Variants in SV2B observed in about 807,000 individuals in gnomAD.
SV2B encodes the protein synaptic vesicle glycoprotein 2B, also known as solute carrier family 22 member B2.
Under a neutral mutation model 73.9 loss-of-function variants are expected in SV2B, and 41 were observed. The observed-to-expected ratio is 0.56, with a 90% CI of 0.43 to 0.72. SV2B has a LOEUF of 0.72. Among genes scored for constraint, SV2B ranks in the 30% least tolerant of loss-of-function variants. SV2B has a pLI of 0.00. For missense variants in SV2B, 764 were observed against 857.8 expected (o/e 0.89, Z 1.37); for synonymous variants, 314 against 314.2 (o/e 1.00, Z 0.01).
intron 1 of SV2B, among the ~76,000 whole-genome samples, chr15:91,181,603 C>G (rs1031929957): frequency 6.6e-6 from 1 of 151,284 alleles, no homozygotes. Flanking sequence ...CTATTTCTTA[C>G]TATCCTAAAA....
intron 1 of SV2B, among the ~76,000 whole-genome samples, chr15:91,218,890 C>T (rs2046123551): frequency 6.6e-6 from 1 of 152,042 alleles, no homozygotes; most frequent in Non-Finnish European, 1.5e-5. Flanking sequence ...CTAAGGGGAC[C>T]ATCTTTTGTT....
At position 91,197,216 on chromosome 15, in the gene SV2B, T is replaced by TTTTTGTTTTGTTTTG. The variant is rs781598060; in HGVS notation, c.-391-28641_-391-28627dup. 1.2e-4 allele frequency among the ~76,000 whole-genome samples: 18 copies of TTTTTGTTTTGTTTTG among 145,004 alleles called. No individual in the cohort carries two copies. In the East Asian group the frequency reaches 2.5e-3, roughly 20 times the overall value. On this transcript the variant is annotated intron_variant, in intron 1 of 12. Transcript: ENST00000394232. This position sits in a 1 kb window ranked among gnomAD's most constrained non-coding sequence, Gnocchi z 4.9. ...TGTTTTGTTTTTGTGTTTTTTTTGTTTTTTGTTTTGTTTTGTTTTGTTTTG... is the reference window on the plus strand; with the variant it reads ...TGTTTTGTTTTTGTGTTTTTTTTGTTTTTTGTTTTGTTTTGTTTTGTTTTGTTTTGTTTTGTTTTG...
At chr15:91,177,274 A>T (rs1442522533) in intron 1 of SV2B, among the ~76,000 whole-genome samples, 3 of 151,934 alleles carry the variant, frequency 2.0e-5, no homozygotes, top group Non-Finnish European at 2.9e-5. Context: ...TACCAGTACC[A>T]TGCTGTTTTG....
intron 1 of SV2B, among the ~76,000 whole-genome samples, chr15:91,178,734 T>C (rs1257269372): frequency 1.3e-5 from 2 of 150,368 alleles, no homozygotes; most frequent in East Asian, 2.0e-4. Flanking sequence ...GGATCGGTGG[T>C]GATATCCCCT....
At chr15:91,176,472 T>C (rs1417989735) in intron 1 of SV2B, among the ~76,000 whole-genome samples, 1 of 152,094 alleles carries the variant, frequency 6.6e-6, no homozygotes, top group Non-Finnish European at 1.5e-5. Context: ...CCACACTGAC[T>C]TCCACAAGGG....
chr15:91,125,625 A>G lies in SV2B; in HGVS notation c.-392+25262A>G, dbSNP rs117597915. On this transcript the variant is annotated intron_variant, in intron 1 of 12. Transcript: ENST00000394232. ...TGTCACTACCCAAAATACCAAAAAA[A>G]TTAGCCAGTCATGGTGGTGCACGCC... Among the ~76,000 whole-genome samples, 1,388 of 151,690 alleles carry G rather than the reference A, an allele frequency of 9.2e-3. 14 individuals are homozygous for G. Among genetic ancestry groups the G allele is most frequent in the Middle Eastern group, 0.021 (6 of 292 alleles).
Position 91,261,598 on chromosome 15 carries a change from G to T in SV2B, c.1008+1189G>T, listed in dbSNP as rs1318884654. 6.6e-6 allele frequency among the ~76,000 whole-genome samples: 1 copy of T among 152,078 alleles called. No individual in the cohort carries two copies. The highest frequency in any genetic ancestry group is 1.9e-4 in the East Asian group (1 of 5,184). The stretch of plus-strand genomic sequence containing the variant: ...TAGACTCCTAGAAATAAAAGTGCTG[G>T]CTCAGAGAGCTTGGATATTTTTATA... On this transcript the variant is annotated intron_variant, in intron 6 of 12. Coordinates refer to ENST00000394232, the MANE Select transcript of SV2B (RefSeq NM_001323032.3). The surrounding 1 kb of genome is among the most constrained non-coding windows in gnomAD (Gnocchi z 4.7).
rs2042567317 is a variant in SV2B, at chr15:91,128,998, C to G, written c.-392+28635C>G. Among the ~76,000 whole-genome samples, 1 of 152,236 alleles carries G rather than the reference C, an allele frequency of 6.6e-6. No homozygotes were observed. Among genetic ancestry groups the G allele is most frequent in the African/African-American group, 2.4e-5 (1 of 41,454 alleles). ...CACGTCAAATAAAGTTGTATGCCTG[C>G]CTTCCAATTAATCTGCTTTTGTGAG... On this transcript the variant is annotated intron_variant, in intron 1 of 12. Coordinates refer to ENST00000394232, the MANE Select transcript of SV2B (RefSeq NM_001323032.3). This position sits in a 1 kb window ranked among gnomAD's most constrained non-coding sequence, Gnocchi z 4.2.
intron 1 of SV2B, among the ~76,000 whole-genome samples, chr15:91,177,656 T>C (rs1227007043): frequency 1.6e-5 from 2 of 128,598 alleles, no homozygotes; most frequent in African/African-American, 6.9e-5. Flanking sequence ...TTGAAGCAAT[T>C]GTGAATGGGA....
intron 1 of SV2B, among the ~76,000 whole-genome samples, chr15:91,219,639 A>G (rs192449208): frequency 1.4e-3 from 220 of 152,332 alleles, no homozygotes; most frequent in Non-Finnish European, 2.5e-3. Flanking sequence ...TTTATATACC[A>G]TAAAATCCAC....
rs113598041 is a variant in SV2B, at chr15:91,284,562, A to C, written c.1708+341A>C. Among the ~76,000 whole-genome samples the C allele has an allele frequency of 4.6e-5, 7 of 152,142 alleles. No individual in the cohort carries two copies. Among genetic ancestry groups the C allele is most frequent in the African/African-American group, 1.7e-4 (7 of 41,422 alleles). On this transcript the variant is annotated intron_variant, in intron 11 of 12. Coordinates refer to ENST00000394232, the MANE Select transcript of SV2B (RefSeq NM_001323032.3). The surrounding 1 kb of genome is among the most constrained non-coding windows in gnomAD (Gnocchi z 4.5). Reference sequence around the variant, plus strand: ...GATTATTGTCAGAAAAATATATAAAATGCTCCTGGGTGATGGTTTGATGTT... The same window carrying C: ...GATTATTGTCAGAAAAATATATAAACTGCTCCTGGGTGATGGTTTGATGTT...
rs1232606127 is a variant in SV2B, at chr15:91,229,397, T to C, written c.451+2683T>C. Among the ~76,000 whole-genome samples, 1 of 152,214 alleles carries C rather than the reference T, an allele frequency of 6.6e-6. No individual in the cohort carries two copies. The highest frequency in any genetic ancestry group is 1.5e-5 in the Non-Finnish European group (1 of 68,036). On this transcript the variant is annotated intron_variant, in intron 2 of 12. Transcript: ENST00000394232. This position sits in a 1 kb window ranked among gnomAD's most constrained non-coding sequence, Gnocchi z 4.3. ...CAGGTGTAAAGCAACCAGCGCTTGT[T>C]GCCCTCTCAACAATGATTAGTTCTC...
Position 91,278,231 on chromosome 15 carries a change from T to A in SV2B, c.1374-3497T>A, listed in dbSNP as rs548150429. The stretch of plus-strand genomic sequence containing the variant: ...CATGCTAGAGCTGCAAAAAGAGCCA[T>A]CTTCTCAACACCCCTATTTTATAGA... On this transcript the variant is annotated intron_variant, in intron 9 of 12. Transcript: ENST00000394232. 5.7e-4 allele frequency among the ~76,000 whole-genome samples: 87 copies of A among 152,300 alleles called. No homozygotes were observed. The Middle Eastern group carries it at 0.01, about 18-fold the overall frequency.
chr15:91,259,311 C>T (rs1168389611), intron 5 of SV2B, among the ~76,000 whole-genome samples: 2 of 152,052 alleles, frequency 1.3e-5, no homozygotes, highest in Admixed American at 1.3e-4. Context: ...GGGGAACCTC[C>T]TGCTTGCAGA....
rs375094638 is a variant in SV2B, at chr15:91,227,248, C to A, written c.451+534C>A. On this transcript the variant is annotated intron_variant, in intron 2 of 12. Transcript: ENST00000394232. This position sits in a 1 kb window ranked among gnomAD's most constrained non-coding sequence, Gnocchi z 4.5. The stretch of plus-strand genomic sequence containing the variant: ...GGATGAATGGTGGGCTTAAGCACAC[C>A]CGTGGAGTCCCTGCAGGCTGTTGGG... 4.7e-4 allele frequency among the ~76,000 whole-genome samples: 72 copies of A among 152,232 alleles called. No individual in the cohort carries two copies. The highest frequency in any genetic ancestry group is 1.4e-3 in the African/African-American group (58 of 41,524).
chr15:91,189,797 G>C (rs1442589633), intron 1 of SV2B, among the ~76,000 whole-genome samples: 1 of 152,150 alleles, frequency 6.6e-6, no homozygotes, highest in Non-Finnish European at 1.5e-5. Flanking sequence ...GACCGTCCTG[G>C]CTAACACAGT....
chr15:91,180,429 G>A (rs973206889), intron 1 of SV2B, among the ~76,000 whole-genome samples: 6 of 151,910 alleles, frequency 3.9e-5, no homozygotes, highest in African/African-American at 1.5e-4. Context: ...TCCTGAATCT[G>A]AATGTTGGCC....
intron 2 of SV2B, among the ~76,000 whole-genome samples, chr15:91,244,134 C>T (rs2047133127): frequency 6.6e-6 from 1 of 152,158 alleles, no homozygotes; most frequent in South Asian, 2.1e-4. Context: ...TAATTGTGGT[C>T]AGAGAGGAAA....
intron 9 of SV2B, among the ~76,000 whole-genome samples, chr15:91,279,116 G>T (rs2048600339): frequency 1.3e-5 from 2 of 152,170 alleles, no homozygotes; most frequent in African/African-American, 4.8e-5. Flanking sequence ...TTCCTTCAGG[G>T]TGAGTCACCT....
Sources: allele counts gnomAD v4.1 joint callset (sites outside exome capture counted in the v4.1 genomes callset), GRCh38; gene constraint gnomAD v4.1.1; non-coding constraint Gnocchi (gnomAD v3.1); transcripts MANE v1.5; gene names NCBI Gene and HGNC (gene_info 2026-07-23, HGNC 2026-07-21).